Variants in GRAMD1C observed in about 807,000 individuals in gnomAD.
The protein encoded by GRAMD1C is GRAM domain containing 1C, also known as protein Aster-C.
A neutral mutation model predicts 97.8 loss-of-function variants in GRAMD1C; 89 were observed. That is an observed-to-expected ratio of 0.91 (90% CI 0.77 to 1.09). The LOEUF (loss-of-function observed/expected upper bound fraction) is 1.09. Among genes scored for constraint, GRAMD1C ranks in the 50% least tolerant of loss-of-function variants. The pLI is 0.00. For missense variants in GRAMD1C, 740 were observed against 766.4 expected (o/e 0.97, Z 0.41); for synonymous variants, 256 against 267.0 (o/e 0.96, Z 0.40).
At chr3:113,866,785 A>G (rs923414824) in intron 2 of GRAMD1C, among the ~76,000 whole-genome samples, 1 of 151,946 alleles carries the variant, frequency 6.6e-6, no homozygotes, top group Non-Finnish European at 1.5e-5. Flanking sequence ...TTATTATCCC[A>G]TAAACCCAGC....
At chr3:113,926,642 G>A (rs1937238358) in intron 10 of GRAMD1C, among the ~76,000 whole-genome samples, 1 of 152,152 alleles carries the variant, frequency 6.6e-6, no homozygotes, top group Non-Finnish European at 1.5e-5. Flanking sequence ...ATGGACTGAT[G>A]TTCCTTTTAT....
chr3:113,913,429 CAAAAAA>C lies in GRAMD1C; in HGVS notation c.953-2255_953-2250del, dbSNP rs765510213. Among the ~76,000 whole-genome samples the C allele has an allele frequency of 3.4e-4, 23 of 68,284 alleles. 1 individual carries two copies. The highest frequency in any genetic ancestry group is 9.5e-4 in the East Asian group (2 of 2,102). The allele number at this position is 68,284 out of a possible 152,430, so 44.8% of individuals were successfully genotyped here. On this transcript the variant is annotated intron_variant, in intron 9 of 17. Coordinates refer to ENST00000358160, the MANE Select transcript of GRAMD1C (RefSeq NM_017577.5). ...AATCTCAAGAGTGAGACTCTGTCTC[CAAAAAA>C]AAAAAAAAAAAAAAAAGAATCCTAT... is the stretch of plus-strand genomic sequence containing the variant.
At chr3:113,837,679 G>C (rs1007510750), upstream of GRAMD1C, among the ~76,000 whole-genome samples, 6 of 152,254 alleles carry the variant, frequency 3.9e-5, no homozygotes, top group East Asian at 1.2e-3. Context: ...TTGAGTCCAG[G>C]AGTTCGAGAC....
At chr3:113,842,759 T>A (rs1482353386) in intron 1 of GRAMD1C, among the ~76,000 whole-genome samples, 1 of 152,026 alleles carries the variant, frequency 6.6e-6, no homozygotes, top group East Asian at 1.9e-4. Context: ...GGTCAGGAGT[T>A]TGTGACCAGC....
At position 113,925,496 on chromosome 3, in the gene GRAMD1C, AAC is replaced by A. The variant is rs1362524041; in HGVS notation, c.1091-5216_1091-5215del. On this transcript the variant is annotated intron_variant, in intron 10 of 17. Coordinates refer to ENST00000358160, the MANE Select transcript of GRAMD1C (RefSeq NM_017577.5). ...CAAAAAACAAACAAACAAACAAACA[AAC>A]AAACAAAACCCAGCATACAGTTGGG... Among the ~76,000 whole-genome samples, 9 of 151,850 alleles carry A rather than the reference AAC, an allele frequency of 5.9e-5. No individual in the cohort carries two copies. The East Asian group carries it at 1.7e-3, about 29-fold the overall frequency.
rs539452293 is a variant in GRAMD1C at position 113,845,495 on chromosome 3, C to T, written c.174+846C>T. Among the ~76,000 whole-genome samples the T allele has an allele frequency of 2.6e-5, 4 of 152,104 alleles. No individual in the cohort carries two copies. In the East Asian group the frequency reaches 7.7e-4, roughly 29 times the overall value. On this transcript the variant is annotated intron_variant, in intron 2 of 17. Transcript: ENST00000358160. ...TTGCTTGAGCCCAGGAGTTTGAGACCAGCCTGGGTAACATGGCAAAACCCA... is the reference window on the plus strand; with the variant it reads ...TTGCTTGAGCCCAGGAGTTTGAGACTAGCCTGGGTAACATGGCAAAACCCA...
intron 2 of GRAMD1C, among the ~76,000 whole-genome samples, chr3:113,858,501 TC>T (rs1934241644): frequency 6.6e-6 from 1 of 151,388 alleles, no homozygotes; most frequent in South Asian, 2.1e-4. Flanking sequence ...TTCAAGTGAT[TC>T]CCCTGCCTTA....
chr3:113,916,459 T>C (rs987959076), intron 10 of GRAMD1C, among the ~76,000 whole-genome samples: 3 of 152,012 alleles, frequency 2.0e-5, no homozygotes, highest in African/African-American at 7.2e-5. Flanking sequence ...ACAATATGAG[T>C]AGAACTCACA....
At chr3:113,838,984 CTACTTT>C in intron 1 of GRAMD1C, 48 bp downstream of exon 1, 2 of 1,158,654 alleles carry the variant, frequency 1.7e-6, no homozygotes, top group Non-Finnish European at 2.2e-6. Context: ...TGGCTTTAGC[CTACTTT>C]TTCTCACGGT....
chr3:113,862,804 A>C (rs1934434293), intron 2 of GRAMD1C, among the ~76,000 whole-genome samples: 1 of 152,220 alleles, frequency 6.6e-6, no homozygotes, highest in Non-Finnish European at 1.5e-5. Context: ...ATAAATGTCC[A>C]TGAAATCTTC....
intron 6 of GRAMD1C, chr3:113,891,024 G>A: frequency 2.6e-6 from 1 of 380,254 alleles, no homozygotes; most frequent in Non-Finnish European, 4.7e-6. Flanking sequence ...TACACACGGA[G>A]GTATCACCAT....
intron 2 of GRAMD1C, 73 bp downstream of exon 2, chr3:113,844,722 G>C (rs754137408): frequency 8.9e-5 from 95 of 1,063,944 alleles, no homozygotes; most frequent in Non-Finnish European, 1.2e-4. Context: ...GAGTCATATA[G>C]TATTTGTAAA....
chr3:113,936,277 T>A lies in GRAMD1C; in HGVS notation c.1468T>A (p.Leu490Ile). 6.4e-7 allele frequency: 1 copy of A among 1,570,908 alleles called. No individual in the cohort carries two copies. Among genetic ancestry groups the A allele is most frequent in the Non-Finnish European group, 8.7e-7 (1 of 1,153,850 alleles). The change falls in exon 14 of 18, where the codon TTA becomes ATA. Residue 490 changes from leucine (L) to isoleucine (I), a missense_variant. Coordinates refer to ENST00000358160, the MANE Select transcript of GRAMD1C (RefSeq NM_017577.5). ...DYFKQLESDL[L>I]IEESVLNQAI... is the part of the protein sequence containing the mutation. ...TTTTTTTTTCTTAGAATCAGATTTG[T>A]TAATTGAAGAATCTGTATTAAATCA...
intron 6 of GRAMD1C, among the ~76,000 whole-genome samples, chr3:113,899,691 G>C (rs1478516075): frequency 6.6e-6 from 1 of 152,056 alleles, no homozygotes; most frequent in Non-Finnish European, 1.5e-5. Flanking sequence ...CAGACCATTG[G>C]TTATCATAAT....
At position 113,848,786 on chromosome 3, in the gene GRAMD1C, AC is replaced by A. The variant is rs770830864; in HGVS notation, c.174+4138del. ...ATGCCACTGCATTCCAGGCTAGGCG[AC>A]AGAGAGAGACGCTGTCTCAATAAAA... On this transcript the variant is annotated intron_variant, in intron 2 of 17. Coordinates refer to ENST00000358160, the MANE Select transcript of GRAMD1C (RefSeq NM_017577.5). 7.6e-4 allele frequency among the ~76,000 whole-genome samples: 116 copies of A among 152,342 alleles called. No homozygotes were observed. The Middle Eastern group carries it at 0.01, about 13-fold the overall frequency.
intron 15 of GRAMD1C, chr3:113,939,159 G>A (rs1224858668): frequency 6.6e-6 from 1 of 152,100 alleles, no homozygotes; most frequent in Non-Finnish European, 1.5e-5. Context: ...GGGTAAAAGT[G>A]AATAAGGGCA....
intron 8 of GRAMD1C, among the ~76,000 whole-genome samples, chr3:113,905,911 G>T (rs9839237): frequency 0.019 from 2,891 of 152,198 alleles, 84 homozygotes; most frequent in African/African-American, 0.064. Flanking sequence ...TGGCCAGGCT[G>T]GTCTCGAACA....
At chr3:113,841,547 C>T (rs577202021) in intron 1 of GRAMD1C, among the ~76,000 whole-genome samples, 31 of 152,264 alleles carry the variant, frequency 2.0e-4, no homozygotes, top group African/African-American at 6.5e-4. Flanking sequence ...CTTTCCCTCC[C>T]AAAGTGCTGA....
chr3:113,841,511 A>G (rs1933308231), intron 1 of GRAMD1C, among the ~76,000 whole-genome samples: 1 of 151,694 alleles, frequency 6.6e-6, no homozygotes, highest in Admixed American at 6.6e-5. Flanking sequence ...GCTGGTCTTG[A>G]ACTCCTGACC....
Sources: allele counts gnomAD v4.1 joint callset (sites outside exome capture counted in the v4.1 genomes callset), GRCh38; gene constraint gnomAD v4.1.1; transcripts MANE v1.5; gene names NCBI Gene and HGNC (gene_info 2026-07-23, HGNC 2026-07-21).